Variants in TSHZ2 observed in about 807,000 individuals in gnomAD.
The protein encoded by TSHZ2 is teashirt homolog 2.
Under a neutral mutation model 74.4 loss-of-function variants are expected in TSHZ2, and 21 were observed. The ratio of observed to expected loss-of-function variants is 0.28; its 90% confidence interval spans 0.20 to 0.41. TSHZ2 has a LOEUF of 0.41. TSHZ2 is among the 10% of genes least tolerant of loss of function. The pLI is 1.00. For synonymous variants in TSHZ2, 540 were observed against 515.3 expected, an observed-to-expected ratio of 1.05 and a Z score of -0.65; for missense variants, 1,244 against 1,293.5, an observed-to-expected ratio of 0.96 and a Z score of 0.59.
chr20:53,147,652 C>G (rs899347158), intron 1 of TSHZ2, among the ~76,000 whole-genome samples: 3 of 152,076 alleles, frequency 2.0e-5, no homozygotes, highest in Non-Finnish European at 4.4e-5. Context: ...TGTTTTAAAC[C>G]AATATTCAGT....
chr20:53,421,844 G>A (rs951978191), intron 2 of TSHZ2, among the ~76,000 whole-genome samples: 4 of 151,636 alleles, frequency 2.6e-5, no homozygotes, highest in Non-Finnish European at 4.4e-5. Flanking sequence ...CACCATGCCC[G>A]GCGAATTTTT....
intron 1 of TSHZ2, among the ~76,000 whole-genome samples, chr20:53,235,580 A>T (rs1035617112): frequency 3.3e-5 from 5 of 152,156 alleles, no homozygotes; most frequent in Admixed American, 1.3e-4. Context: ...ACCTCACAGG[A>T]TTATTTCCAA....
intron 1 of TSHZ2, among the ~76,000 whole-genome samples, chr20:53,240,768 T>C (rs1253674898): frequency 6.6e-6 from 1 of 151,250 alleles, no homozygotes; most frequent in Admixed American, 6.6e-5. Flanking sequence ...GATAGATAGA[T>C]AGATATGGTT....
At chr20:53,097,072 C>G (rs889553145) in intron 1 of TSHZ2, among the ~76,000 whole-genome samples, 2 of 152,074 alleles carry the variant, frequency 1.3e-5, no homozygotes, top group Admixed American at 1.3e-4. Context: ...CCCCAACATC[C>G]GCACTGTAGA....
At chr20:53,274,292 A>G (rs1035634222) in intron 2 of TSHZ2, among the ~76,000 whole-genome samples, 2 of 152,050 alleles carry the variant, frequency 1.3e-5, no homozygotes, top group Non-Finnish European at 2.9e-5. Context: ...AAATAAGTAA[A>G]CCACTATTTT....
At chr20:53,171,849 A>G (rs1988210760) in intron 1 of TSHZ2, among the ~76,000 whole-genome samples, 1 of 152,186 alleles carries the variant, frequency 6.6e-6, no homozygotes, top group Non-Finnish European at 1.5e-5. Flanking sequence ...AGGTATTGTT[A>G]CTACAAATGA....
chr20:53,249,106 G>A lies in TSHZ2; in HGVS notation c.41-4393G>A, dbSNP rs1365084822. On this transcript the variant is annotated intron_variant, in intron 1 of 2. Coordinates refer to ENST00000371497, the MANE Select transcript of TSHZ2 (RefSeq NM_173485.6). ...TCTGCCTGCCTCAGCCTCCCAAAAT[G>A]CTGGAATTACAAGTGTGAGCCTCGG... is the stretch of plus-strand genomic sequence containing the variant. 2.0e-5 allele frequency among the ~76,000 whole-genome samples: 3 copies of A among 152,034 alleles called. No homozygotes were observed. The South Asian group carries it at 6.2e-4, about 32-fold the overall frequency.
At chr20:53,280,928 G>A (rs1250483784) in intron 2 of TSHZ2, among the ~76,000 whole-genome samples, 6 of 152,072 alleles carry the variant, frequency 3.9e-5, no homozygotes, top group Non-Finnish European at 7.4e-5. Context: ...TCCTGACCTC[G>A]TGATCCGCCC....
intron 1 of TSHZ2, among the ~76,000 whole-genome samples, chr20:53,186,087 CA>C (rs1218829878): frequency 6.6e-6 from 1 of 152,228 alleles, no homozygotes; most frequent in African/African-American, 2.4e-5. Flanking sequence ...TTCTCCCTAT[CA>C]CACGCTCTTA....
chr20:53,203,991 T>C (rs1182118907), intron 1 of TSHZ2, among the ~76,000 whole-genome samples: 1 of 150,984 alleles, frequency 6.6e-6, no homozygotes, highest in Non-Finnish European at 1.5e-5. Context: ...CCAAAAACCG[T>C]AGTGCACAAT....
intron 1 of TSHZ2, among the ~76,000 whole-genome samples, chr20:53,157,633 G>A (rs867883872): frequency 8.5e-5 from 13 of 152,064 alleles, no homozygotes; most frequent in African/African-American, 2.9e-4. Flanking sequence ...GCTATAGGAA[G>A]CACTAGATAA....
At position 53,297,888 on chromosome 20, in the gene TSHZ2, A is replaced by G. The variant is rs1355729671; in HGVS notation, c.*8+41317A>G. On this transcript the variant is annotated intron_variant, in intron 2 of 2. Transcript: ENST00000371497. ...TATTTGAATATCCCTCAACCCTGGA[A>G]GGTTTACTGCAGAATTTAGTGGCCT... 2.0e-5 allele frequency among the ~76,000 whole-genome samples: 3 copies of G among 152,374 alleles called. No individual in the cohort carries two copies. The East Asian group carries it at 5.8e-4, about 29-fold the overall frequency.
chr20:53,014,348 T>C (rs1484794902), intron 1 of TSHZ2, among the ~76,000 whole-genome samples: 1 of 152,188 alleles, frequency 6.6e-6, no homozygotes, highest in Non-Finnish European at 1.5e-5. Context: ...ATTGAGGGTC[T>C]GGGCTTTAAC....
intron 1 of TSHZ2, among the ~76,000 whole-genome samples, chr20:53,243,351 G>T (rs1378129538): frequency 1.3e-5 from 2 of 152,168 alleles, no homozygotes; most frequent in Non-Finnish European, 2.9e-5. Context: ...AGTCATCACT[G>T]CATGCATGTT....
In TSHZ2 at chr20:53,173,824, G is replaced by C. The variant is rs1988259962; in HGVS notation, c.41-79675G>C. On this transcript the variant is annotated intron_variant, in intron 1 of 2. Transcript: ENST00000371497. ...AGACCATACACAGTGATGATTTGGG[G>C]GTTGGGGCTGCCAGGAAGGTGTGTG... is the stretch of plus-strand genomic sequence containing the variant. Among the ~76,000 whole-genome samples, 3 of 152,254 alleles carry C rather than the reference G, an allele frequency of 2.0e-5. 1 individual carries two copies. In the South Asian group the frequency reaches 6.2e-4, roughly 32 times the overall value.
At chr20:53,128,685 A>C (rs909313950) in intron 1 of TSHZ2, among the ~76,000 whole-genome samples, 1 of 151,316 alleles carries the variant, frequency 6.6e-6, no homozygotes, top group Non-Finnish European at 1.5e-5. Context: ...ACAGTGGTGC[A>C]ATCTCAGCTC....
intron 1 of TSHZ2, among the ~76,000 whole-genome samples, chr20:53,013,355 A>ATT (rs534884861): frequency 1.3e-5 from 2 of 149,624 alleles, no homozygotes; most frequent in Non-Finnish European, 3.0e-5. Flanking sequence ...GAGCTCGAGC[A>ATT]TTTTTTTTTT....
At chr20:53,080,774 C>T (rs562889157) in intron 1 of TSHZ2, among the ~76,000 whole-genome samples, 2 of 152,230 alleles carry the variant, frequency 1.3e-5, no homozygotes, top group East Asian at 1.9e-4. Flanking sequence ...TGTACCGGCC[C>T]GCGGCCCAGG....
chr20:53,410,324 A>C (rs1983008466), intron 2 of TSHZ2, among the ~76,000 whole-genome samples: 2 of 152,078 alleles, frequency 1.3e-5, no homozygotes, highest in African/African-American at 4.8e-5. Context: ...CAGCTTCCTC[A>C]TCAAACTTGC....
Sources: allele counts gnomAD v4.1 joint callset (sites outside exome capture counted in the v4.1 genomes callset), GRCh38; gene constraint gnomAD v4.1.1; transcripts MANE v1.5; gene names NCBI Gene and HGNC (gene_info 2026-07-23, HGNC 2026-07-21).